NAA20: variants seen among roughly 807,000 people sequenced by gnomAD.
NAA20 encodes N-alpha-acetyltransferase 20.
Under a neutral mutation model 23.8 loss-of-function variants are expected in NAA20, and 24 were observed. That is an observed-to-expected ratio of 1.01 (90% confidence interval 0.73 to 1.42). NAA20 has a LOEUF of 1.42. Among genes scored for constraint, NAA20 ranks in the 40% most tolerant of loss-of-function variants. The pLI, the probability that NAA20 is intolerant of heterozygous loss-of-function variation, is 0.00. For missense variants in NAA20, 166 were observed against 223.1 expected, an observed-to-expected ratio of 0.74 and a Z score of 1.63; for synonymous variants, 83 against 77.7, an observed-to-expected ratio of 1.07 and a Z score of -0.36.
chr20:20,030,456 A>G (rs1463339798), intron 4 of NAA20, among the ~76,000 whole-genome samples: 1 of 152,210 alleles, frequency 6.6e-6, no homozygotes, highest in Non-Finnish European at 1.5e-5. Context: ...TAGTAAATAT[A>G]TTTAGTAGTG....
At chr20:20,019,097 C>T (rs2146458604) in intron 1 of NAA20, among the ~76,000 whole-genome samples, 1 of 152,326 alleles carries the variant, frequency 6.6e-6, no homozygotes, top group South Asian at 2.1e-4. Flanking sequence ...TCCTCCTGAC[C>T]CTTGAATCGG....
intron 3 of NAA20, among the ~76,000 whole-genome samples, chr20:20,026,462 A>G (rs555134478): frequency 6.6e-5 from 10 of 152,154 alleles, no homozygotes; most frequent in Non-Finnish European, 1.3e-4. Context: ...GTACCCACAT[A>G]TACCCACACC....
intron 4 of NAA20, 80 bp downstream of exon 4, chr20:20,026,999 C>A (rs1168540464): frequency 6.5e-7 from 1 of 1,542,702 alleles, no homozygotes; most frequent in African/African-American, 1.4e-5. Flanking sequence ...GAATAACTGT[C>A]ATGCTTTACA....
At chr20:20,032,418 G>A (rs1441455137) in intron 4 of NAA20, 90 bp from the exon 5 acceptor site, 2 of 1,339,890 alleles carry the variant, frequency 1.5e-6, no homozygotes, top group African/African-American at 1.5e-5. Context: ...TCAAAGCAAG[G>A]TAAAAACACG....
chr20:20,022,127 G>A (rs1236778660), intron 1 of NAA20, among the ~76,000 whole-genome samples: 2 of 152,208 alleles, frequency 1.3e-5, no homozygotes, highest in Admixed American at 6.5e-5. Context: ...TTCTGTCTCT[G>A]CGAGATACAT....
In NAA20 at chr20:20,033,341, A is replaced by C; in HGVS notation, c.*154A>C. On this transcript the variant is annotated 3_prime_UTR_variant, in exon 6 of 6. Coordinates refer to ENST00000334982, the MANE Select transcript of NAA20 (RefSeq NM_016100.5). The stretch of plus-strand genomic sequence containing the variant: ...AGGTTATCAATTTATTTTAAATCTC[A>C]TTGTTTCCAGTTAGCAATATCATAC... 649 of 601,606 alleles carry C rather than the reference A, an allele frequency of 1.1e-3. No individual in the cohort carries two copies. The highest frequency in any genetic ancestry group is 1.8e-3 in the East Asian group (63 of 34,638). The allele number at this position is 601,606 out of a possible 1,614,324, so 37.3% of individuals were successfully genotyped here. A position where few individuals can be genotyped will look rare whatever the true frequency, so the allele number is the denominator to read the frequency against.
rs1568743834 is a variant in NAA20, at chr20:20,017,586, C to T, written c.53+137C>T. The T allele has an allele frequency of 2.2e-6, 3 of 1,333,578 alleles. No homozygotes were observed. The African/African-American group carries it at 4.7e-5, about 21-fold the overall frequency. 82.6% of individuals were successfully genotyped at this position (1,333,578 alleles called of 1,614,324 possible). ...ACCCGCGAGAACCACCCCCCGCCGG[C>T]CAACGTGGGCGCCTCCCTGGGGCCA... On this transcript the variant is annotated intron_variant, in intron 1 of 5. Transcript: ENST00000334982.
At position 20,032,640 on chromosome 20, in the gene NAA20, T is replaced by A; in HGVS notation, c.438T>A (p.Asp146Glu). ...ATTCGGCCAGCAACGGGGAGCCTGATGAGGACGCTTATGGTAAGCTCCCTT... is the reference window on the plus strand; with the variant it reads ...ATTCGGCCAGCAACGGGGAGCCTGAAGAGGACGCTTATGGTAAGCTCCCTT... ...EYYSASNGEP[D>E]EDAYDMRKAL... Residue 146 changes from aspartate to glutamate, a missense_variant, in exon 5 of 6, where the codon GAT becomes GAA. By Grantham distance (45) the Asp-to-Glu change is conservative (BLOSUM62 2). Transcript: ENST00000334982. 1 of 1,603,542 alleles carries A rather than the reference T, an allele frequency of 6.2e-7. No homozygotes were observed. Among genetic ancestry groups the A allele is most frequent in the Non-Finnish European group, 8.5e-7 (1 of 1,175,820 alleles).
At chr20:20,028,642 A>G (rs1426739661) in intron 4 of NAA20, among the ~76,000 whole-genome samples, 2 of 152,200 alleles carry the variant, frequency 1.3e-5, no homozygotes, top group Non-Finnish European at 2.9e-5. Flanking sequence ...GCTAAGATTT[A>G]AGTAATCTTC....
chr20:20,022,889 A>G (rs2043279979), intron 2 of NAA20, among the ~76,000 whole-genome samples: 1 of 152,036 alleles, frequency 6.6e-6, no homozygotes, highest in Admixed American at 6.6e-5. Context: ...CAGTTTAAGC[A>G]CTCTACCCCT....
chr20:20,030,564 GA>G (rs1162278172), intron 4 of NAA20, among the ~76,000 whole-genome samples: 1 of 152,056 alleles, frequency 6.6e-6, no homozygotes, highest in African/African-American at 2.4e-5. Flanking sequence ...AAAAATAAAC[GA>G]TAGGAGGATT....
Position 20,033,119 on chromosome 20 carries a change from T to A in NAA20, c.469T>A (p.Ser157Thr), listed in dbSNP as rs761385034. Residue 157 changes from serine to threonine, a missense_variant, in exon 6 of 6, where the codon TCC (serine) becomes ACC (threonine). Physicochemically the swap from Ser to Thr is moderately conservative, Grantham distance 58 (BLOSUM62 1). Coordinates refer to ENST00000334982, the MANE Select transcript of NAA20 (RefSeq NM_016100.5). Reference sequence around the variant, plus strand: ...CTTTACAGATATGAGGAAAGCACTTTCCAGGGATACTGAGAAGAAATCCAT... The same window carrying A: ...CTTTACAGATATGAGGAAAGCACTTACCAGGGATACTGAGAAGAAATCCAT... ...EDAYDMRKAL[S>T]RDTEKKSIIP... The A allele has an allele frequency of 2.2e-5, 35 of 1,613,218 alleles. No homozygotes were observed.
chr20:20,022,627 A>T (rs1396504084), intron 2 of NAA20, 147 bp downstream of exon 2: 4 of 617,190 alleles, frequency 6.5e-6, no homozygotes, highest in Non-Finnish European at 1.1e-5. Flanking sequence ...AGCAATTTTA[A>T]AAAGTGAAAC....
At chr20:20,019,270 G>T (rs2043252254) in intron 1 of NAA20, among the ~76,000 whole-genome samples, 1 of 152,168 alleles carries the variant, frequency 6.6e-6, no homozygotes. Flanking sequence ...TCTGTGGGCT[G>T]TCATGTGATG....
intron 3 of NAA20, among the ~76,000 whole-genome samples, chr20:20,026,582 C>T (rs990962048): frequency 3.3e-5 from 5 of 149,904 alleles, no homozygotes; most frequent in African/African-American, 9.8e-5. Context: ...GATTTTAGAA[C>T]TATTCTAAAT....
At chr20:20,023,857 G>A (rs2043288605) in intron 2 of NAA20, among the ~76,000 whole-genome samples, 1 of 152,200 alleles carries the variant, frequency 6.6e-6, no homozygotes, top group Admixed American at 6.5e-5. Context: ...AATTGCTAGT[G>A]ACAATATAAA....
In NAA20 at chr20:20,032,533, TTTG is replaced by T; in HGVS notation, c.333_335del (p.Phe111_Val112delinsLeu). On this transcript the variant is annotated inframe_deletion, in exon 5 of 6. Coordinates refer to ENST00000334982, the MANE Select transcript of NAA20 (RefSeq NM_016100.5). Reference sequence around the variant, plus strand: ...AAAGGGTGGATTTTTTGTGGATCTCTTTGTAAGAGTATCTAACCAAGTTGCAGT... The same window carrying T: ...AAAGGGTGGATTTTTTGTGGATCTCTTAAGAGTATCTAACCAAGTTGCAGT... 1 of 1,613,190 alleles carries T rather than the reference TTTG, an allele frequency of 6.2e-7. No homozygotes were observed. The highest frequency in any genetic ancestry group is 8.5e-7 in the Non-Finnish European group (1 of 1,179,574).
chr20:20,033,187 AC>A lies in NAA20; in HGVS notation c.*3del, dbSNP rs1400339863. On this transcript the variant is annotated 3_prime_UTR_variant, in exon 6 of 6. Coordinates refer to ENST00000334982, the MANE Select transcript of NAA20 (RefSeq NM_016100.5). ...CTGTGAGGCCTGAAGACATTGAATA[AC>A]CCTGGGCAGTGGTTCTTAGGCAGAT... is the stretch of plus-strand genomic sequence containing the variant. The A allele has an allele frequency of 6.2e-7, 1 of 1,607,522 alleles. No homozygotes were observed. The highest frequency in any genetic ancestry group is 1.3e-5 in the African/African-American group (1 of 74,674).
At chr20:20,025,635 T>C (rs749197247) in intron 2 of NAA20, 42 bp from the exon 3 acceptor site, 4 of 1,456,348 alleles carry the variant, frequency 2.7e-6, no homozygotes, top group Non-Finnish European at 3.8e-6. Context: ...TGAAGAACTT[T>C]TTACTGTCCA....
Sources: allele counts gnomAD v4.1 joint callset (sites outside exome capture counted in the v4.1 genomes callset), GRCh38; gene constraint gnomAD v4.1.1; transcripts MANE v1.5; gene names NCBI Gene and HGNC (gene_info 2026-07-23, HGNC 2026-07-21).